The following FARS2 variants were observed in gnomAD, a reference collection of about 807,000 sequenced individuals.
FARS2 encodes the protein phenylalanine--tRNA ligase, mitochondrial.
In FARS2, 40 loss-of-function variants were observed where a neutral mutation model predicts 46.4. The observed-to-expected ratio is 0.86, with a 90% CI of 0.67 to 1.12. FARS2 has a LOEUF of 1.12. Ranked by LOEUF, FARS2 falls within the 50% of genes most tolerant of loss-of-function variation. FARS2 has a pLI of 0.00. For synonymous variants in FARS2, 234 were observed against 214.9 expected, an observed-to-expected ratio of 1.09 and a Z score of -0.78; for missense variants, 513 against 567.9, an observed-to-expected ratio of 0.90 and a Z score of 0.98.
chr6:5,746,131 A>G (rs1761620739), intron 6 of FARS2, among the ~76,000 whole-genome samples: 1 of 152,174 alleles, frequency 6.6e-6, no homozygotes, highest in Non-Finnish European at 1.5e-5. Flanking sequence ...AAGGTAATCT[A>G]TTTGATACCT....
chr6:5,697,577 A>G (rs1399626786), intron 6 of FARS2, among the ~76,000 whole-genome samples: 4 of 152,248 alleles, frequency 2.6e-5, no homozygotes, highest in African/African-American at 9.6e-5. Flanking sequence ...TGATGCAAGA[A>G]GAATATTTTT....
chr6:5,559,794 C>T (rs1471611528), intron 5 of FARS2, among the ~76,000 whole-genome samples: 1 of 152,106 alleles, frequency 6.6e-6, no homozygotes, highest in Non-Finnish European at 1.5e-5. Context: ...CAAGGATCAA[C>T]ACAAAGGCCC....
intron 6 of FARS2, among the ~76,000 whole-genome samples, chr6:5,713,977 A>G (rs1759339481): frequency 6.6e-6 from 1 of 152,234 alleles, no homozygotes; most frequent in South Asian, 2.1e-4. Flanking sequence ...ACAAAATAAA[A>G]TTAAAAAATA....
Position 5,392,735 on chromosome 6 carries a change from T to TAC in FARS2, c.613-11773_613-11772dup, listed in dbSNP as rs10526282. ...ACACTTGCTCTAAAATATATATATA[T>TAC]ACACACACACACACACACACACACA... On this transcript the variant is annotated intron_variant, in intron 2 of 6. Coordinates refer to ENST00000274680, the MANE Select transcript of FARS2 (RefSeq NM_006567.5). Among the ~76,000 whole-genome samples, 1,070 of 142,346 alleles carry TAC rather than the reference T, an allele frequency of 7.5e-3. 7 individuals are homozygous for TAC. Among genetic ancestry groups the TAC allele is most frequent in the Admixed American group, 0.013 (176 of 13,822 alleles). 93.4% of individuals were successfully genotyped at this position (142,346 alleles called of 152,430 possible). A position where few individuals can be genotyped will look rare whatever the true frequency, so the allele number is the denominator to read the frequency against.
Position 5,298,348 on chromosome 6 carries a change from G to A in FARS2, c.-22+36688G>A, listed in dbSNP as rs1042240153. Among the ~76,000 whole-genome samples the A allele has an allele frequency of 5.3e-5, 8 of 152,292 alleles. No individual in the cohort carries two copies. In the East Asian group the frequency reaches 1.5e-3, roughly 29 times the overall value. ...CATTTTATGGCTGGGAAGCCTGGTTGTACATGGTCCTCAGCCCCACTCCTG... is the reference window on the plus strand; with the variant it reads ...CATTTTATGGCTGGGAAGCCTGGTTATACATGGTCCTCAGCCCCACTCCTG... On this transcript the variant is annotated intron_variant, in intron 1 of 6. Coordinates refer to ENST00000274680, the MANE Select transcript of FARS2 (RefSeq NM_006567.5).
intron 6 of FARS2, among the ~76,000 whole-genome samples, chr6:5,648,276 C>A (rs1183710954): frequency 6.6e-6 from 1 of 152,240 alleles, no homozygotes; most frequent in Non-Finnish European, 1.5e-5. Context: ...ACATCAGCAC[C>A]TTTTCAAACT....
intron 5 of FARS2, among the ~76,000 whole-genome samples, chr6:5,589,918 C>T (rs570749227): frequency 6.6e-6 from 1 of 152,242 alleles, no homozygotes; most frequent in East Asian, 1.9e-4. Flanking sequence ...GAAGCATAAA[C>T]TTGGATGCCA....
chr6:5,565,818 C>T (rs1056806337), intron 5 of FARS2, among the ~76,000 whole-genome samples: 25 of 152,016 alleles, frequency 1.6e-4, no homozygotes, highest in Admixed American at 3.9e-4. Context: ...TCCAGATTGC[C>T]GTAAATTATT....
At chr6:5,678,844 T>C (rs1778890531) in intron 6 of FARS2, among the ~76,000 whole-genome samples, 1 of 152,196 alleles carries the variant, frequency 6.6e-6, no homozygotes, top group Non-Finnish European at 1.5e-5. Context: ...CTCCAAAGTT[T>C]TGGAATGAGC....
At chr6:5,489,922 G>T (rs919062522) in intron 4 of FARS2, among the ~76,000 whole-genome samples, 1 of 152,068 alleles carries the variant, frequency 6.6e-6, no homozygotes, top group South Asian at 2.1e-4. Flanking sequence ...TATTATTTAC[G>T]TAAAATAAAA....
chr6:5,286,432 T>G (rs2127879827), intron 1 of FARS2, among the ~76,000 whole-genome samples: 1 of 152,156 alleles, frequency 6.6e-6, no homozygotes, highest in South Asian at 2.1e-4. Context: ...CCGGCTAATT[T>G]TTGTGTTATT....
chr6:5,368,813 G>T lies in FARS2; in HGVS notation c.243G>T (p.Gln81His), dbSNP rs1359557113. 1.2e-6 allele frequency: 2 copies of T among 1,614,184 alleles called. No homozygotes were observed. Among genetic ancestry groups the T allele is most frequent in the East Asian group, 2.2e-5 (1 of 44,876 alleles). Residue 81 changes from glutamine to histidine, a missense_variant, in exon 2 of 7, where the codon CAG (glutamine) becomes CAT (histidine). Physicochemically the swap from Gln to His is conservative, Grantham distance 24. Coordinates refer to ENST00000274680, the MANE Select transcript of FARS2 (RefSeq NM_006567.5). ...GAGTTGGCAGGAACCTGCACAACCA[G>T]CAGCATCACCCTCTGTGGCTGATCA... Reference protein sequence around the residue: ...LTRVGRNLHNQQHHPLWLIKE... With the variant: ...LTRVGRNLHNHQHHPLWLIKE...
intron 6 of FARS2, among the ~76,000 whole-genome samples, chr6:5,725,327 G>C (rs1048889361): frequency 2.0e-4 from 30 of 152,218 alleles, no homozygotes; most frequent in Non-Finnish European, 1.2e-4. Context: ...GGTTGGGCAA[G>C]GCATTAAGTG....
At chr6:5,460,966 CTG>C (rs567577090) in intron 4 of FARS2, among the ~76,000 whole-genome samples, 35 of 148,836 alleles carry the variant, frequency 2.4e-4, no homozygotes, top group African/African-American at 3.4e-4. Context: ...CACACCAGGG[CTG>C]TGTGTGTGTG....
In FARS2 at chr6:5,271,904, G is replaced by A. The variant is rs192329055; in HGVS notation, c.-22+10244G>A. Among the ~76,000 whole-genome samples the A allele has an allele frequency of 1.8e-4, 27 of 152,214 alleles. No homozygotes were observed. In the East Asian group the frequency reaches 3.1e-3, roughly 17 times the overall value. ...TAAATGATCGATAAATATTAATAGT[G>A]TAATGACTCAATCACGTAAGCTCCA... On this transcript the variant is annotated intron_variant, in intron 1 of 6. Transcript: ENST00000274680.
chr6:5,250,366 G>A, the FARS2 span, among the ~76,000 whole-genome samples: 1 of 152,004 alleles, frequency 6.6e-6, no homozygotes, highest in Non-Finnish European at 1.5e-5. Context: ...TTAATATCTA[G>A]AGTAAAAAAG....
chr6:5,625,058 C>G (rs760163404), intron 6 of FARS2, among the ~76,000 whole-genome samples: 7 of 152,182 alleles, frequency 4.6e-5, no homozygotes, highest in Non-Finnish European at 1.0e-4. Flanking sequence ...TGTACCATAG[C>G]TCCCACAGTT....
intron 5 of FARS2, among the ~76,000 whole-genome samples, chr6:5,572,525 G>A (rs978691105): frequency 6.6e-6 from 1 of 152,092 alleles, no homozygotes; most frequent in Non-Finnish European, 1.5e-5. Context: ...TAGTAAGAAA[G>A]AGATCGATGA....
chr6:5,527,663 T>G (rs1210333023), intron 4 of FARS2, among the ~76,000 whole-genome samples: 1 of 152,196 alleles, frequency 6.6e-6, no homozygotes, highest in Non-Finnish European at 1.5e-5. Context: ...ATCACTCAGA[T>G]TTTTAAAGTC....
Sources: gnomAD v4.1 joint callset for allele counts (sites outside exome capture counted in the v4.1 genomes callset) on GRCh38, gnomAD v4.1.1 for gene constraint, MANE v1.5 for transcripts, NCBI Gene and HGNC (gene_info 2026-07-23, HGNC 2026-07-21) for gene names.